The following MYRIP variants were observed in gnomAD, a reference collection of about 807,000 sequenced individuals.
MYRIP encodes rab effector MyRIP.
In MYRIP, 49 loss-of-function variants were observed where a neutral mutation model predicts 98.0. That is an observed-to-expected ratio of 0.50 (90% CI 0.40 to 0.63). The LOEUF is 0.63. MYRIP is among the 30% of genes least tolerant of loss of function. The pLI is 0.00. For synonymous variants in MYRIP, 404 were observed against 409.5 expected, an observed-to-expected ratio of 0.99 and a Z score of 0.16; for missense variants, 1,004 against 1,058.2, an observed-to-expected ratio of 0.95 and a Z score of 0.71.
At chr3:40,179,496 C>T (rs1018797073) in intron 8 of MYRIP, among the ~76,000 whole-genome samples, 20 of 152,124 alleles carry the variant, frequency 1.3e-4, no homozygotes, top group African/African-American at 4.6e-4. Context: ...AAGTCTGAGC[C>T]ACTGCAAAAA....
intron 2 of MYRIP, among the ~76,000 whole-genome samples, chr3:39,941,287 G>T (rs1041931422): frequency 6.6e-6 from 1 of 152,060 alleles, no homozygotes; most frequent in Non-Finnish European, 1.5e-5. Flanking sequence ...TTAGGCACCA[G>T]CTCTTGTATG....
chr3:39,940,065 A>G (rs746231575), intron 2 of MYRIP, among the ~76,000 whole-genome samples: 1 of 152,172 alleles, frequency 6.6e-6, no homozygotes, highest in Non-Finnish European at 1.5e-5. Context: ...TAATGTTTGT[A>G]TAATAGTAGA....
intron 1 of MYRIP, among the ~76,000 whole-genome samples, chr3:39,869,770 C>A (rs910452000): frequency 2.6e-5 from 4 of 152,198 alleles, no homozygotes; most frequent in Admixed American, 6.5e-5. Flanking sequence ...ATCCCCTCCC[C>A]CAAACTCCTC....
At chr3:40,232,122 CT>C (rs1180783058) in intron 11 of MYRIP, among the ~76,000 whole-genome samples, 5 of 152,202 alleles carry the variant, frequency 3.3e-5, no homozygotes, top group African/African-American at 1.2e-4. Context: ...CACCTTCCCT[CT>C]ATCTCGTTCC....
chr3:39,928,442 T>A (rs1056965128), intron 2 of MYRIP, among the ~76,000 whole-genome samples: 7 of 151,652 alleles, frequency 4.6e-5, no homozygotes, highest in Non-Finnish European at 8.8e-5. Context: ...GTACAAAATA[T>A]TAACAAAATG....
rs1312274012 is a variant in MYRIP, at chr3:40,042,883, C to G, written c.111-1167C>G. On this transcript the variant is annotated intron_variant, in intron 2 of 16. Coordinates refer to ENST00000302541, the MANE Select transcript of MYRIP (RefSeq NM_015460.4). ...GCTTAGCCCAGCCAACTTAAACATG[C>G]CCAGAACACTTACATTAGCCTGCAG... Among the ~76,000 whole-genome samples, 5 of 152,218 alleles carry G rather than the reference C, an allele frequency of 3.3e-5. No individual in the cohort carries two copies. In the East Asian group the frequency reaches 7.7e-4, roughly 24 times the overall value.
At chr3:39,875,758 C>A (rs1314535616) in intron 1 of MYRIP, among the ~76,000 whole-genome samples, 2 of 151,232 alleles carry the variant, frequency 1.3e-5, no homozygotes, top group Non-Finnish European at 2.9e-5. Flanking sequence ...GCTTTACTTC[C>A]AACTATGTGG....
chr3:40,069,435 C>T (rs1021650959), intron 3 of MYRIP, among the ~76,000 whole-genome samples: 35 of 149,896 alleles, frequency 2.3e-4, no homozygotes, highest in Non-Finnish European at 4.9e-4. Context: ...ATATAATATA[C>T]ATAACATAGA....
intron 11 of MYRIP, among the ~76,000 whole-genome samples, chr3:40,225,960 C>T (rs1424530979): frequency 6.6e-6 from 1 of 152,154 alleles, no homozygotes; most frequent in Non-Finnish European, 1.5e-5. Flanking sequence ...TGGATGTCCA[C>T]TGTCCCTAAT....
chr3:39,897,925 C>T (rs559116156), intron 1 of MYRIP, among the ~76,000 whole-genome samples: 145 of 150,742 alleles, frequency 9.6e-4, no homozygotes, highest in Non-Finnish European at 1.5e-3. Context: ...TTCTCAGAAA[C>T]CAAAAGCCAG....
intron 3 of MYRIP, among the ~76,000 whole-genome samples, chr3:40,090,377 GT>G (rs1227426250): frequency 3.3e-5 from 5 of 152,118 alleles, no homozygotes; most frequent in Non-Finnish European, 7.4e-5. Flanking sequence ...CCCTAAGACA[GT>G]TGGGGAAAAG....
intron 3 of MYRIP, among the ~76,000 whole-genome samples, chr3:40,093,458 A>G (rs1465291319): frequency 6.6e-6 from 1 of 152,224 alleles, no homozygotes; most frequent in African/African-American, 2.4e-5. Flanking sequence ...CAAGGAATGC[A>G]TCTCCAGGAT....
chr3:40,061,328 T>C (rs9879856), intron 3 of MYRIP, among the ~76,000 whole-genome samples: 44,271 of 152,138 alleles, frequency 0.29, 6,531 homozygotes, highest in East Asian at 0.36. Context: ...AGTGAGAACA[T>C]GTGGTATTTG....
chr3:39,834,587 A>G (rs1265593156), intron 1 of MYRIP, among the ~76,000 whole-genome samples: 1 of 152,186 alleles, frequency 6.6e-6, no homozygotes, highest in Non-Finnish European at 1.5e-5. Context: ...TGTTTATTTT[A>G]CTAAAATGAT....
At chr3:39,846,000 C>A (rs747675018) in intron 1 of MYRIP, among the ~76,000 whole-genome samples, 3 of 152,130 alleles carry the variant, frequency 2.0e-5, no homozygotes, top group Non-Finnish European at 4.4e-5. Context: ...CTAGAACTTG[C>A]AGATCAAATA....
intron 3 of MYRIP, among the ~76,000 whole-genome samples, chr3:40,083,092 C>G (rs1352752606): frequency 6.6e-6 from 1 of 152,226 alleles, no homozygotes; most frequent in South Asian, 2.1e-4. Flanking sequence ...TCATTCAACA[C>G]CTATTTAATG....
At chr3:40,064,987 G>C (rs150586045) in intron 3 of MYRIP, among the ~76,000 whole-genome samples, 1 of 152,088 alleles carries the variant, frequency 6.6e-6, no homozygotes, top group Non-Finnish European at 1.5e-5. Context: ...TTAACCCTGC[G>C]TACTCATTTC....
At chr3:39,832,899 A>T (rs1941493997) in intron 1 of MYRIP, among the ~76,000 whole-genome samples, 1 of 152,182 alleles carries the variant, frequency 6.6e-6, no homozygotes, top group Non-Finnish European at 1.5e-5. Context: ...ACCCTAAGGG[A>T]AGAAATTCAT....
chr3:39,975,251 T>C (rs1028452770), intron 2 of MYRIP, among the ~76,000 whole-genome samples: 14 of 152,056 alleles, frequency 9.2e-5, no homozygotes, highest in South Asian at 4.2e-4. Flanking sequence ...TATACACCAA[T>C]AACAGACAAA....
Sources: allele counts gnomAD v4.1 joint callset (sites outside exome capture counted in the v4.1 genomes callset), GRCh38; gene constraint gnomAD v4.1.1; transcripts MANE v1.5; gene names NCBI Gene and HGNC (gene_info 2026-07-23, HGNC 2026-07-21).